Variants in HSPA4 observed in about 807,000 individuals in gnomAD.
HSPA4 encodes the protein heat shock 70 kDa protein 4.
Under a neutral mutation model 106.2 loss-of-function variants are expected in HSPA4, and 25 were observed. That is an observed-to-expected ratio of 0.24 (90% CI 0.17 to 0.33). The LOEUF (loss-of-function observed/expected upper bound fraction) is 0.33. HSPA4 is among the 10% of genes least tolerant of loss of function. The pLI is 1.00. For synonymous variants in HSPA4, 332 were observed against 333.6 expected (o/e 1.00, Z 0.05); for missense variants, 841 against 996.0 (o/e 0.84, Z 2.10).
chr5:133,088,326 TC>T (rs1261933583), intron 8 of HSPA4, 77 bp from the exon 9 acceptor site: 9 of 1,032,240 alleles, frequency 8.7e-6, no homozygotes, highest in Non-Finnish European at 1.3e-5. Flanking sequence ...TTGTTACACA[TC>T]TGAGTTATTT....
intron 12 of HSPA4, 23 bp from the exon 13 acceptor site, chr5:133,092,677 A>G: frequency 1.3e-6 from 2 of 1,531,244 alleles, no homozygotes; most frequent in Non-Finnish European, 1.8e-6. Context: ...TAATTGCAGG[A>G]TTTAATTTGA....
intron 7 of HSPA4, among the ~76,000 whole-genome samples, chr5:133,083,539 A>G: frequency 6.6e-6 from 1 of 151,704 alleles, no homozygotes; most frequent in Non-Finnish European, 1.5e-5. Flanking sequence ...TAATTTTTTT[A>G]TTATTATTAT....
At chr5:133,101,597 C>A in intron 16 of HSPA4, 162 bp from the exon 17 acceptor site, 1 of 609,566 alleles carries the variant, frequency 1.6e-6, no homozygotes, top group Non-Finnish European at 2.8e-6. Context: ...TAGTTTCATT[C>A]CCCTCCTGAA....
chr5:133,059,814 G>C (rs1765216182), intron 1 of HSPA4, among the ~76,000 whole-genome samples: 1 of 152,164 alleles, frequency 6.6e-6, no homozygotes, highest in East Asian at 1.9e-4. Flanking sequence ...GGCACCAGAA[G>C]GCTCTGTAAT....
At chr5:133,062,276 A>G (rs1024470199) in intron 1 of HSPA4, among the ~76,000 whole-genome samples, 12 of 152,212 alleles carry the variant, frequency 7.9e-5, no homozygotes, top group African/African-American at 2.4e-4. Context: ...GATTTGCAGG[A>G]AAGTTGGGGA....
At chr5:133,077,670 G>A (rs1057147783) in intron 7 of HSPA4, among the ~76,000 whole-genome samples, 2 of 152,206 alleles carry the variant, frequency 1.3e-5, no homozygotes, top group African/African-American at 4.8e-5. Flanking sequence ...ATTGTTGCCT[G>A]GTTCAGTTGC....
intron 17 of HSPA4, among the ~76,000 whole-genome samples, chr5:133,102,879 A>G (rs536450466): frequency 7.0e-6 from 1 of 143,662 alleles, no homozygotes; most frequent in South Asian, 2.2e-4. Flanking sequence ...AGCTGGGACT[A>G]TAGGCACGTA....
chr5:133,078,841 C>T lies in HSPA4; in HGVS notation c.908+1943C>T, dbSNP rs149540246. ...CTCTGTTTCCTGGGCTCAAGTGATCCTCCTGCCTCAGTCTCCTGAGTAGCT... is the reference window on the plus strand; with the variant it reads ...CTCTGTTTCCTGGGCTCAAGTGATCTTCCTGCCTCAGTCTCCTGAGTAGCT... On this transcript the variant is annotated intron_variant, in intron 7 of 18. Transcript: ENST00000304858. Among the ~76,000 whole-genome samples, 971 of 152,062 alleles carry T rather than the reference C, an allele frequency of 6.4e-3. 15 individuals are homozygous for T. The highest frequency in any genetic ancestry group is 0.022 in the African/African-American group (924 of 41,474).
In HSPA4 at chr5:133,090,927, T is replaced by C. The variant is rs1417630028; in HGVS notation, c.1379-266T>C. 8.7e-6 allele frequency: 4 copies of C among 460,402 alleles called. No individual in the cohort carries two copies. In the East Asian group the frequency reaches 1.7e-4, roughly 20 times the overall value. 28.5% of individuals were successfully genotyped at this position (460,402 alleles called of 1,614,324 possible). Reference sequence around the variant, plus strand: ...TCTGAAAGTAGCATATAAAGATAAATGGAAATAAGAAATTGGAAGAAAGGA... The same window carrying C: ...TCTGAAAGTAGCATATAAAGATAAACGGAAATAAGAAATTGGAAGAAAGGA... On this transcript the variant is annotated intron_variant, in intron 11 of 18. Transcript: ENST00000304858.
intron 16 of HSPA4, among the ~76,000 whole-genome samples, chr5:133,100,278 AGGCTGGT>A (rs1199403777): frequency 6.6e-6 from 1 of 152,096 alleles, no homozygotes; most frequent in Non-Finnish European, 1.5e-5. Flanking sequence ...CATGTTGGCC[AGGCTGGT>A]CTTGAACTCC....
intron 1 of HSPA4, among the ~76,000 whole-genome samples, chr5:133,063,773 T>G (rs1309470202): frequency 6.7e-6 from 1 of 149,254 alleles, no homozygotes; most frequent in Non-Finnish European, 1.5e-5. Flanking sequence ...TTTGTTTGTT[T>G]TGTTTTTGAG....
chr5:133,093,919 C>A (rs1765680699), intron 13 of HSPA4, among the ~76,000 whole-genome samples: 1 of 151,964 alleles, frequency 6.6e-6, no homozygotes. Flanking sequence ...ATGGTGAAAC[C>A]CCGTCTCTAC....
intron 17 of HSPA4, among the ~76,000 whole-genome samples, chr5:133,102,573 C>T (rs1765800966): frequency 6.6e-6 from 1 of 152,176 alleles, no homozygotes; most frequent in African/African-American, 2.4e-5. Flanking sequence ...CCTTAAGCAA[C>T]ATTCAGGGTC....
At chr5:133,101,544 G>A (rs1460356140) in intron 16 of HSPA4, 2 of 431,724 alleles carry the variant, frequency 4.6e-6, no homozygotes, top group Non-Finnish European at 8.1e-6. Context: ...TGAGGGCTCA[G>A]GTGACAAATT....
chr5:133,075,258 T>A (rs914460085), intron 6 of HSPA4, among the ~76,000 whole-genome samples: 1 of 152,212 alleles, frequency 6.6e-6, no homozygotes, highest in Admixed American at 6.5e-5. Flanking sequence ...GTTTAAACTT[T>A]AATCACTAAT....
At chr5:133,075,487 A>G (rs1409784991) in intron 6 of HSPA4, among the ~76,000 whole-genome samples, 1 of 152,202 alleles carries the variant, frequency 6.6e-6, no homozygotes, top group Non-Finnish European at 1.5e-5. Flanking sequence ...CCCAAATTGG[A>G]AAACATTTAT....
In HSPA4 at chr5:133,088,520, G is replaced by A. The variant is rs1765606757; in HGVS notation, c.1102G>A (p.Ala368Thr). The A allele has an allele frequency of 6.2e-7, 1 of 1,613,990 alleles. No individual in the cohort carries two copies. Among genetic ancestry groups the A allele is most frequent in the Non-Finnish European group, 8.5e-7 (1 of 1,179,868 alleles). The change falls in exon 9 of 19, where the codon GCT becomes ACT. Residue 368 changes from alanine to threonine, a missense_variant. By Grantham distance (58) the Ala-to-Thr change is moderately conservative (BLOSUM62 0). This residue lies in a region of HSPA4 where 162 missense variants were observed against 177.7 expected (regional missense o/e 0.91). Transcript: ENST00000304858. ...TAAAGAACTTAGTACAACATTAAAT[G>A]CTGATGAAGCTGTCACTCGAGGCTG... ...FGKELSTTLN[A>T]DEAVTRGCAL...
rs184828118 is a variant in HSPA4 at position 133,062,898 on chromosome 5, T to A, written c.108-2082T>A. 2.0e-4 allele frequency among the ~76,000 whole-genome samples: 30 copies of A among 152,138 alleles called. No homozygotes were observed. The East Asian group carries it at 2.9e-3, about 15-fold the overall frequency. The stretch of plus-strand genomic sequence containing the variant: ...TGCCAGTTTCCACAGGGCTCTTAAG[T>A]TTATGTTTCTACCAAATCAGTAGTT... On this transcript the variant is annotated intron_variant, in intron 1 of 18. Transcript: ENST00000304858.
intron 17 of HSPA4, among the ~76,000 whole-genome samples, chr5:133,102,519 A>G (rs560886728): frequency 2.5e-4 from 38 of 152,284 alleles, no homozygotes; most frequent in African/African-American, 9.1e-4. Context: ...AGGGGGTGGT[A>G]TCAACATTTA....
Sources: gnomAD v4.1 joint callset for allele counts (sites outside exome capture counted in the v4.1 genomes callset) on GRCh38, gnomAD v4.1.1 for gene constraint, gnomAD v4.1.1 regional missense constraint, MANE v1.5 for transcripts, NCBI Gene and HGNC (gene_info 2026-07-23, HGNC 2026-07-21) for gene names.